The following SUPT3H variants were observed in gnomAD, a reference collection of about 807,000 sequenced individuals.
SUPT3H encodes the protein SPT3 homolog, SAGA and STAGA complex component, also known as transcription initiation protein SPT3 homolog.
Under a neutral mutation model 44.3 loss-of-function variants are expected in SUPT3H, and 44 were observed. The observed-to-expected ratio is 0.99, with a 90% CI of 0.78 to 1.28. The LOEUF (loss-of-function observed/expected upper bound fraction) is 1.28, where lower values mean the gene tolerates loss of function less well. Ranked by LOEUF, SUPT3H falls within the 50% of genes most tolerant of loss-of-function variation. SUPT3H has a pLI of 0.00. For missense variants in SUPT3H, 380 were observed against 387.1 expected, an observed-to-expected ratio of 0.98 and a Z score of 0.15; for synonymous variants, 124 against 125.6, an observed-to-expected ratio of 0.99 and a Z score of 0.09.
chr6:45,214,536 T>A (rs1764715526), intron 2 of SUPT3H, among the ~76,000 whole-genome samples: 1 of 152,088 alleles, frequency 6.6e-6, no homozygotes, highest in African/African-American at 2.4e-5. Flanking sequence ...GATCATAAAG[T>A]ACAGACAATT....
At chr6:45,161,483 G>T (rs1213616231) in intron 2 of SUPT3H, among the ~76,000 whole-genome samples, 1 of 152,126 alleles carries the variant, frequency 6.6e-6, no homozygotes, top group African/African-American at 2.4e-5. Context: ...TCTACTCTCT[G>T]AACTCTTATT....
intron 2 of SUPT3H, among the ~76,000 whole-genome samples, chr6:45,216,409 AAAC>A (rs1335459622): frequency 1.1e-4 from 16 of 152,332 alleles, no homozygotes; most frequent in African/African-American, 3.1e-4. Context: ...AACAACCAGA[AAAC>A]AATTAACAAA....
At chr6:44,841,666 CAT>C (rs933679489) in intron 10 of SUPT3H, among the ~76,000 whole-genome samples, 4 of 152,098 alleles carry the variant, frequency 2.6e-5, no homozygotes, top group African/African-American at 9.7e-5. Context: ...CACTGAAAAA[CAT>C]AAAGAAAAAT....
intron 2 of SUPT3H, among the ~76,000 whole-genome samples, chr6:45,193,375 T>G (rs1815462535): frequency 6.6e-6 from 1 of 152,188 alleles, no homozygotes; most frequent in South Asian, 2.1e-4. Flanking sequence ...ATTAAGAATC[T>G]TTGACTTTTT....
At chr6:44,967,550 T>G (rs1022320560) in intron 6 of SUPT3H, among the ~76,000 whole-genome samples, 1 of 152,242 alleles carries the variant, frequency 6.6e-6, no homozygotes, top group Non-Finnish European at 1.5e-5. Flanking sequence ...ACAATCATCA[T>G]TTGCCCTGTC....
chr6:45,213,884 T>C (rs1764547521), intron 2 of SUPT3H, among the ~76,000 whole-genome samples: 1 of 151,540 alleles, frequency 6.6e-6, no homozygotes, highest in South Asian at 2.1e-4. Context: ...AATTTGAAAG[T>C]TGGTACTAAA....
At chr6:45,109,832 T>C (rs1400830138) in intron 2 of SUPT3H, among the ~76,000 whole-genome samples, 1 of 152,186 alleles carries the variant, frequency 6.6e-6, no homozygotes, top group Non-Finnish European at 1.5e-5. Context: ...TACAACTATT[T>C]TGATTTTTTT....
intron 10 of SUPT3H, among the ~76,000 whole-genome samples, chr6:44,851,052 A>C (rs972597202): frequency 1.3e-5 from 2 of 152,178 alleles, no homozygotes; most frequent in African/African-American, 4.8e-5. Context: ...TGGACACTGA[A>C]TTTAATTCAT....
intron 2 of SUPT3H, among the ~76,000 whole-genome samples, chr6:45,354,458 A>G (rs890535004): frequency 6.6e-6 from 1 of 152,236 alleles, no homozygotes; most frequent in East Asian, 1.9e-4. Flanking sequence ...AAGGAATCAT[A>G]GATGCTTTTA....
intron 10 of SUPT3H, among the ~76,000 whole-genome samples, chr6:44,869,700 T>C (rs1776057252): frequency 6.6e-6 from 1 of 152,206 alleles, no homozygotes; most frequent in Non-Finnish European, 1.5e-5. Context: ...CTTGAAAGCA[T>C]TGTGCCACAG....
At chr6:45,230,835 G>T (rs1767900188) in intron 2 of SUPT3H, among the ~76,000 whole-genome samples, 1 of 151,162 alleles carries the variant, frequency 6.6e-6, no homozygotes, top group Non-Finnish European at 1.5e-5. Flanking sequence ...ACCATGCCTG[G>T]CTAATTTTTT....
intron 2 of SUPT3H, among the ~76,000 whole-genome samples, chr6:45,252,798 T>C (rs551120163): frequency 6.6e-6 from 1 of 152,170 alleles, no homozygotes; most frequent in Non-Finnish European, 1.5e-5. Context: ...TGTTAGTGAG[T>C]AGGGTCAGGG....
rs139051605 is a variant in SUPT3H, at chr6:45,136,104, C to A, written c.102-30098G>T. ...CTTAACAGCCTGAACAATGAATGTA[C>A]CCTCCATGATCAAACACAGATCCAT... On this transcript the variant is annotated intron_variant, in intron 2 of 10. Coordinates refer to ENST00000371459, the MANE Select transcript of SUPT3H (RefSeq NM_003599.4). Among the ~76,000 whole-genome samples the A allele has an allele frequency of 3.3e-4, 51 of 152,254 alleles. No homozygotes were observed. In the East Asian group the frequency reaches 9.1e-3, roughly 27 times the overall value.
At chr6:45,336,967 TGC>T (rs1788691783) in intron 2 of SUPT3H, among the ~76,000 whole-genome samples, 1 of 151,700 alleles carries the variant, frequency 6.6e-6, no homozygotes, top group Non-Finnish European at 1.5e-5. Flanking sequence ...TTTTGAAACT[TGC>T]TGTGAAAACA....
chr6:44,832,091 T>G (rs1447023381), intron 10 of SUPT3H, among the ~76,000 whole-genome samples: 1 of 152,102 alleles, frequency 6.6e-6, no homozygotes, highest in African/African-American at 2.4e-5. Context: ...GAGTCACTGC[T>G]TTTTCCTTTT....
At chr6:44,826,410 A>G (rs986963302), downstream of SUPT3H, among the ~76,000 whole-genome samples, 1 of 152,256 alleles carries the variant, frequency 6.6e-6, no homozygotes, top group Admixed American at 6.5e-5. Flanking sequence ...TGTAGTGGCC[A>G]CTGCTATGAC....
chr6:44,957,557 T>G (rs1775395588), intron 7 of SUPT3H, among the ~76,000 whole-genome samples: 1 of 152,080 alleles, frequency 6.6e-6, no homozygotes, highest in Non-Finnish European at 1.5e-5. Flanking sequence ...AAACAGATAT[T>G]TTGTGACTGT....
At chr6:45,259,185 A>G (rs933353477) in intron 2 of SUPT3H, among the ~76,000 whole-genome samples, 3 of 152,128 alleles carry the variant, frequency 2.0e-5, no homozygotes, top group African/African-American at 7.2e-5. Flanking sequence ...CGTTTATCAG[A>G]TCTTCCAATT....
intron 10 of SUPT3H, among the ~76,000 whole-genome samples, chr6:44,910,046 G>A (rs1766765526): frequency 6.6e-6 from 1 of 152,122 alleles, no homozygotes; most frequent in African/African-American, 2.4e-5. Flanking sequence ...TGGGATTTCT[G>A]GGCTGCAGTT....
Sources: gnomAD v4.1 joint callset for allele counts (sites outside exome capture counted in the v4.1 genomes callset) on GRCh38, gnomAD v4.1.1 for gene constraint, MANE v1.5 for transcripts, NCBI Gene and HGNC (gene_info 2026-07-23, HGNC 2026-07-21) for gene names.